Variants in DNAH14 observed in about 807,000 individuals in gnomAD.
The protein encoded by DNAH14 is axonemal beta dynein heavy chain 14.
DNAH14 carries 478 observed loss-of-function variants against 520.9 expected under a neutral mutation model. The ratio of observed to expected loss-of-function variants is 0.92; its 90% CI spans 0.85 to 0.99. The LOEUF (loss-of-function observed/expected upper bound fraction) is 0.99, where lower values mean the gene tolerates loss of function less well. DNAH14 is among the 50% of genes least tolerant of loss of function. The pLI is 0.00. For missense variants in DNAH14, 4,831 were observed against 5,234.5 expected, an observed-to-expected ratio of 0.92 and a Z score of 2.38; for synonymous variants, 1,581 against 1,757.2, an observed-to-expected ratio of 0.90 and a Z score of 2.51.
chr1:225,093,345 T>C (rs1464962614), intron 21 of DNAH14, among the ~76,000 whole-genome samples: 4 of 152,120 alleles, frequency 2.6e-5, no homozygotes, highest in East Asian at 3.9e-4. Context: ...AATGAATAAA[T>C]GGGATTCATT....
chr1:225,208,278 A>T (rs1391921482), intron 41 of DNAH14, among the ~76,000 whole-genome samples: 1 of 152,144 alleles, frequency 6.6e-6, no homozygotes, highest in Non-Finnish European at 1.5e-5. Flanking sequence ...ACTGGAAACA[A>T]AGCAAAAAGA....
chr1:225,351,641 T>G lies in DNAH14; in HGVS notation c.11297-6T>G. 6.5e-7 allele frequency: 1 copy of G among 1,534,892 alleles called. No homozygotes were observed. The highest frequency in any genetic ancestry group is 8.8e-7 in the Non-Finnish European group (1 of 1,137,698). ...TCTAATGTGATCATCTTTCTTTTTTTATCAGGCACATTTGAAATAGGTGAA... is the reference window on the plus strand; with the variant it reads ...TCTAATGTGATCATCTTTCTTTTTTGATCAGGCACATTTGAAATAGGTGAA... On this transcript the variant is annotated splice_region_variant and splice_polypyrimidine_tract_variant and intron_variant, in intron 71 of 85. Coordinates refer to ENST00000682510, the MANE Select transcript of DNAH14 (RefSeq NM_001367479.1).
intron 54 of DNAH14, among the ~76,000 whole-genome samples, chr1:225,283,584 G>A (rs2093673057): frequency 1.3e-5 from 2 of 152,094 alleles, no homozygotes. Flanking sequence ...AACAATAATA[G>A]TTGGACACTT....
In DNAH14 at chr1:225,141,009, T is replaced by G; in HGVS notation, c.4496T>G (p.Phe1499Cys). 1 of 1,546,948 alleles carries G rather than the reference T, an allele frequency of 6.5e-7. No homozygotes were observed. Among genetic ancestry groups the G allele is most frequent in the Non-Finnish European group, 8.7e-7 (1 of 1,144,118 alleles). ...AAAAATATCTTCAATGCAGAGGATT[T>G]TGAGTGGACAAGGTAGGTGGATCTA... The part of the protein sequence containing the change: ...LLKNIFNAED[F>C]EWTRHLQYKW... Residue 1499 changes from phenylalanine (F) to cysteine (C), a missense_variant, in exon 28 of 86, where the codon TTT becomes TGT. Phe to Cys is a radical substitution (Grantham distance 205, BLOSUM62 -2). Coordinates refer to ENST00000682510, the MANE Select transcript of DNAH14 (RefSeq NM_001367479.1).
At chr1:224,995,929 G>A (rs2063359292) in intron 8 of DNAH14, among the ~76,000 whole-genome samples, 1 of 151,890 alleles carries the variant, frequency 6.6e-6, no homozygotes, top group South Asian at 2.1e-4. Context: ...AATTTTGTTT[G>A]TATATAGTTT....
intron 23 of DNAH14, among the ~76,000 whole-genome samples, chr1:225,107,679 T>C (rs988113596): frequency 9.2e-5 from 14 of 152,186 alleles, no homozygotes; most frequent in African/African-American, 3.4e-4. Flanking sequence ...TGCTGAATCT[T>C]ATGGTAGCTC....
chr1:224,940,853 C>A (rs905021465), intron 1 of DNAH14, among the ~76,000 whole-genome samples: 25 of 152,094 alleles, frequency 1.6e-4, no homozygotes, highest in Non-Finnish European at 3.4e-4. Context: ...TGAACTCATC[C>A]TTTTTTATGG....
rs934264932 is a variant in DNAH14 at position 225,346,295 on chromosome 1, A to G, written c.11012A>G (p.Lys3671Arg). 1.9e-5 allele frequency: 30 copies of G among 1,547,958 alleles called. No individual in the cohort carries two copies. The highest frequency in any genetic ancestry group is 2.4e-5 in the Non-Finnish European group (28 of 1,146,108). ...GTTCATGAGTTTATAAGTATTTCAA[A>G]AGAACCCAACCTGGAAAATGAGAAA... The part of the protein sequence containing the change: ...KEVHEFISIS[K>R]EPNLENEKNL... Residue 3671 changes from lysine to arginine, a missense_variant, in exon 70 of 86, where the codon AAA becomes AGA. Coordinates refer to ENST00000682510, the MANE Select transcript of DNAH14 (RefSeq NM_001367479.1).
At chr1:225,207,268 A>G in intron 41 of DNAH14, 48 bp downstream of exon 41, 1 of 1,418,238 alleles carries the variant, frequency 7.1e-7, no homozygotes, top group Non-Finnish European at 9.2e-7. Context: ...TTAGCTAGTC[A>G]ATGCTAATTC....
At chr1:225,190,160 A>T (rs1354203873) in intron 37 of DNAH14, among the ~76,000 whole-genome samples, 1 of 152,042 alleles carries the variant, frequency 6.6e-6, no homozygotes, top group East Asian at 1.9e-4. Context: ...TCCCATACAT[A>T]CATATCTATG....
chr1:225,266,802 A>T, intron 49 of DNAH14, 33 bp downstream of exon 49: 1 of 1,448,276 alleles, frequency 6.9e-7, no homozygotes. Flanking sequence ...GTTCACATTA[A>T]GTATTATTTC....
intron 26 of DNAH14, among the ~76,000 whole-genome samples, chr1:225,121,331 G>A (rs1192626603): frequency 6.6e-6 from 1 of 152,136 alleles, no homozygotes; most frequent in African/African-American, 2.4e-5. Flanking sequence ...CTGCTGTGCA[G>A]TAGATCGCTA....
In DNAH14 at chr1:225,388,361, G is replaced by C; in HGVS notation, c.13078-18G>C. 2.1e-6 allele frequency: 3 copies of C among 1,450,470 alleles called. No homozygotes were observed. Among genetic ancestry groups the C allele is most frequent in the Non-Finnish European group, 2.8e-6 (3 of 1,065,008 alleles). 89.8% of individuals were successfully genotyped at this position (1,450,470 alleles called of 1,614,324 possible). On this transcript the variant is annotated intron_variant, in intron 81 of 85. Transcript: ENST00000682510. ...GACAAAGAAAAAAAATGATGTGACT[G>C]TCTTTAAATCCCAACAGAAACACGC...
intron 1 of DNAH14, among the ~76,000 whole-genome samples, chr1:224,947,953 G>T (rs2059949899): frequency 6.6e-6 from 1 of 151,848 alleles, no homozygotes; most frequent in African/African-American, 2.4e-5. Flanking sequence ...TCCAGTAGGT[G>T]GTTGATTTTC....
At chr1:225,078,308 C>T (rs1469360626) in intron 17 of DNAH14, among the ~76,000 whole-genome samples, 3 of 152,150 alleles carry the variant, frequency 2.0e-5, no homozygotes, top group Admixed American at 2.0e-4. Flanking sequence ...AGCAAATATA[C>T]TATCTGAATA....
intron 5 of DNAH14, among the ~76,000 whole-genome samples, chr1:224,967,072 C>T (rs1255954473): frequency 6.6e-6 from 1 of 151,934 alleles, no homozygotes; most frequent in Non-Finnish European, 1.5e-5. Flanking sequence ...ATTTAATATG[C>T]CCAAAAGATT....
intron 1 of DNAH14, among the ~76,000 whole-genome samples, chr1:224,946,915 CTTT>C (rs746576812): frequency 2.2e-4 from 24 of 108,240 alleles, no homozygotes; most frequent in African/African-American, 7.3e-4. Flanking sequence ...GTTTCATCTA[CTTT>C]TTTTTTTTTT....
At chr1:225,067,034 CAT>C (rs1009653454) in intron 17 of DNAH14, among the ~76,000 whole-genome samples, 6 of 152,154 alleles carry the variant, frequency 3.9e-5, no homozygotes, top group South Asian at 2.1e-4. Flanking sequence ...CATAGGTAAA[CAT>C]GTGTCAAAGG....
chr1:225,168,521 A>T (rs2082267722), intron 36 of DNAH14, among the ~76,000 whole-genome samples: 1 of 152,196 alleles, frequency 6.6e-6, no homozygotes, highest in Non-Finnish European at 1.5e-5. Flanking sequence ...CCTGGCTTGG[A>T]GGGTCCTATA....
Sources: gnomAD v4.1 joint callset for allele counts (sites outside exome capture counted in the v4.1 genomes callset) on GRCh38, gnomAD v4.1.1 for gene constraint, MANE v1.5 for transcripts, NCBI Gene and HGNC (gene_info 2026-07-23, HGNC 2026-07-21) for gene names.